The following ARHGAP24 variants were observed in gnomAD, a reference collection of about 807,000 sequenced individuals.
The protein encoded by ARHGAP24 is rho GTPase-activating protein 24.
A neutral mutation model predicts 76.4 loss-of-function variants in ARHGAP24; 50 were observed. The observed-to-expected ratio is 0.65, with a 90% CI of 0.52 to 0.83. The LOEUF is 0.83. Ranked by LOEUF, ARHGAP24 falls within the 40% of genes least tolerant of loss-of-function variation. The pLI is 0.00. For missense variants in ARHGAP24, 930 were observed against 914.2 expected, an observed-to-expected ratio of 1.02 and a Z score of -0.22; for synonymous variants, 345 against 323.3, an observed-to-expected ratio of 1.07 and a Z score of -0.72.
intron 3 of ARHGAP24, among the ~76,000 whole-genome samples, chr4:85,805,138 TA>T (rs1728735744): frequency 6.6e-6 from 1 of 152,162 alleles, no homozygotes; most frequent in Admixed American, 6.5e-5. Context: ...GAGAGTCTCA[TA>T]AAAATATATC....
intron 1 of ARHGAP24, among the ~76,000 whole-genome samples, chr4:85,512,715 T>C (rs1395264387): frequency 6.6e-6 from 1 of 152,224 alleles, no homozygotes; most frequent in Non-Finnish European, 1.5e-5. Context: ...GTCACAAAAA[T>C]GTTTTTTAAG....
At chr4:85,696,796 G>C (rs767639526) in intron 2 of ARHGAP24, among the ~76,000 whole-genome samples, 6 of 152,180 alleles carry the variant, frequency 3.9e-5, no homozygotes, top group Non-Finnish European at 8.8e-5. Context: ...TGAGTAGAGG[G>C]AGAAGATGCC....
intron 1 of ARHGAP24, among the ~76,000 whole-genome samples, chr4:85,564,484 A>G (rs779912920): frequency 4.4e-4 from 67 of 151,922 alleles, no homozygotes; most frequent in Non-Finnish European, 7.9e-4. Context: ...TGGCACATGT[A>G]TACATATGTA....
At chr4:85,814,632 A>G (rs370097294) in intron 3 of ARHGAP24, among the ~76,000 whole-genome samples, 1 of 152,166 alleles carries the variant, frequency 6.6e-6, no homozygotes, top group African/African-American at 2.4e-5. Context: ...CTCCACCCCT[A>G]TGGCTTTTCA....
chr4:85,639,003 G>A (rs775989390), intron 2 of ARHGAP24, among the ~76,000 whole-genome samples: 1 of 152,220 alleles, frequency 6.6e-6, no homozygotes, highest in Middle Eastern at 3.4e-3. Flanking sequence ...TGGAGCTGAC[G>A]AATGGAGGTA....
In ARHGAP24 at chr4:85,657,943, T is replaced by A. The variant is rs554491748; in HGVS notation, c.181-63942T>A. ...CTAATTTTTGTATTTTTAGTGGAGA[T>A]GAAGTTTTGCCATGTTGGCCAGGCT... On this transcript the variant is annotated intron_variant, in intron 2 of 9. Coordinates refer to ENST00000395184, the MANE Select transcript of ARHGAP24 (RefSeq NM_001025616.3). Among the ~76,000 whole-genome samples the A allele has an allele frequency of 7.9e-5, 12 of 152,242 alleles. No homozygotes were observed. In the South Asian group the frequency reaches 2.3e-3, roughly 29 times the overall value.
chr4:85,952,606 T>C lies in ARHGAP24; in HGVS notation c.599+10333T>C, dbSNP rs372010462. ...TTGTGAGTGCATGGATGAGCCTTTA[T>C]TAAGCCATGTACTTTCTGCTCTTCT... On this transcript the variant is annotated intron_variant, in intron 5 of 9. Transcript: ENST00000395184. Among the ~76,000 whole-genome samples the C allele has an allele frequency of 1.2e-3, 176 of 152,366 alleles. 4 individuals carry two copies. The South Asian group carries it at 0.034, about 30-fold the overall frequency.
chr4:85,982,771 A>T lies in ARHGAP24; in HGVS notation c.928+5080A>T, dbSNP rs577126524. 1.1e-4 allele frequency among the ~76,000 whole-genome samples: 16 copies of T among 152,158 alleles called. No homozygotes were observed. In the South Asian group the frequency reaches 3.1e-3, roughly 30 times the overall value. ...GTGTTTTTTTAACTTGTTTTATTTTATTCTATTTTAAGTTCTGGGGCACAT... is the reference window on the plus strand; with the variant it reads ...GTGTTTTTTTAACTTGTTTTATTTTTTTCTATTTTAAGTTCTGGGGCACAT... On this transcript the variant is annotated intron_variant, in intron 8 of 9. Coordinates refer to ENST00000395184, the MANE Select transcript of ARHGAP24 (RefSeq NM_001025616.3).
chr4:85,718,076 T>A (rs1243666202), intron 2 of ARHGAP24, among the ~76,000 whole-genome samples: 1 of 152,088 alleles, frequency 6.6e-6, no homozygotes, highest in Non-Finnish European at 1.5e-5. Flanking sequence ...AATGACTAAT[T>A]TATCTCTTAG....
At chr4:85,569,064 C>G (rs1236995506) in intron 1 of ARHGAP24, among the ~76,000 whole-genome samples, 1 of 152,042 alleles carries the variant, frequency 6.6e-6, no homozygotes, top group Admixed American at 6.5e-5. Context: ...CAAAAATGAC[C>G]AAGGGCTGAC....
chr4:85,877,119 C>T (rs1380945909), intron 3 of ARHGAP24, among the ~76,000 whole-genome samples: 1 of 151,950 alleles, frequency 6.6e-6, no homozygotes, highest in East Asian at 1.9e-4. Context: ...TTTTTGTTTT[C>T]TTATAATTGT....
At chr4:85,975,035 C>T (rs559731033) in intron 7 of ARHGAP24, 74 bp downstream of exon 7, 45 of 1,330,570 alleles carry the variant, frequency 3.4e-5, no homozygotes, top group Middle Eastern at 3.6e-4. Context: ...TGTTTGACAA[C>T]GAATAAAATC....
At chr4:85,979,890 A>G (rs943810600) in intron 8 of ARHGAP24, among the ~76,000 whole-genome samples, 5 of 152,236 alleles carry the variant, frequency 3.3e-5, no homozygotes, top group African/African-American at 9.6e-5. Flanking sequence ...ATTAAAATCA[A>G]TTTGCTTGGT....
At chr4:85,935,295 T>C (rs1736568160) in intron 4 of ARHGAP24, among the ~76,000 whole-genome samples, 1 of 152,182 alleles carries the variant, frequency 6.6e-6, no homozygotes, top group African/African-American at 2.4e-5. Flanking sequence ...TTGTCTCAAA[T>C]CTATGAATTC....
intron 3 of ARHGAP24, among the ~76,000 whole-genome samples, chr4:85,861,917 A>C (rs1578313112): frequency 6.6e-6 from 1 of 152,116 alleles, no homozygotes; most frequent in Non-Finnish European, 1.5e-5. Context: ...GTTGCCCTTG[A>C]TAATTCCCCA....
At chr4:85,930,549 C>T (rs1578400529) in intron 4 of ARHGAP24, 1 of 1,023,834 alleles carries the variant, frequency 9.8e-7, no homozygotes, top group East Asian at 1.0e-4. Context: ...CTCAGTCCAG[C>T]TGAGAAGACA....
chr4:85,531,564 G>A (rs965748195), intron 1 of ARHGAP24, among the ~76,000 whole-genome samples: 5 of 151,928 alleles, frequency 3.3e-5, no homozygotes, highest in Non-Finnish European at 5.9e-5. Flanking sequence ...TTTATTACTG[G>A]CCTTGCAACT....
chr4:85,621,917 A>T (rs1003501140), intron 2 of ARHGAP24, among the ~76,000 whole-genome samples: 4 of 152,104 alleles, frequency 2.6e-5, no homozygotes, highest in Non-Finnish European at 4.4e-5. Flanking sequence ...TTTAGTCATT[A>T]ATCAATCTTG....
intron 1 of ARHGAP24, among the ~76,000 whole-genome samples, chr4:85,554,730 G>A (rs1175336959): frequency 2.0e-5 from 3 of 152,010 alleles, no homozygotes; most frequent in Non-Finnish European, 4.4e-5. Flanking sequence ...TAGTGCAGTG[G>A]TGCTATCTTG....
Sources: gnomAD v4.1 joint callset for allele counts (sites outside exome capture counted in the v4.1 genomes callset) on GRCh38, gnomAD v4.1.1 for gene constraint, MANE v1.5 for transcripts, NCBI Gene and HGNC (gene_info 2026-07-23, HGNC 2026-07-21) for gene names.